HIVEP2: variants seen among roughly 807,000 people sequenced by gnomAD.
The protein encoded by HIVEP2 is transcription factor HIVEP2.
Under a neutral mutation model 180.7 loss-of-function variants are expected in HIVEP2, and 14 were observed. The observed-to-expected ratio is 0.08, with a 90% CI of 0.05 to 0.12. The LOEUF (loss-of-function observed/expected upper bound fraction) is 0.12. Ranked by LOEUF, HIVEP2 falls within the 10% of genes least tolerant of loss-of-function variation. The probability of loss-of-function intolerance (pLI) is 1.00; values close to 1 mark genes in which losing one functional copy is unlikely to be tolerated. For synonymous variants in HIVEP2, 1,184 were observed against 1,136.4 expected (o/e 1.04, Z -0.84); for missense variants, 2,579 against 3,008.5 (o/e 0.86, Z 3.34).
chr6:142,883,541 C>T (rs550000854), intron 1 of HIVEP2, among the ~76,000 whole-genome samples: 1 of 152,126 alleles, frequency 6.6e-6, no homozygotes, highest in South Asian at 2.1e-4. Context: ...CACTCCTACA[C>T]ATAAAAGTGC....
intron 2 of HIVEP2, among the ~76,000 whole-genome samples, chr6:142,819,231 T>TA (rs1196649127): frequency 1.3e-5 from 2 of 151,414 alleles, no homozygotes; most frequent in Non-Finnish European, 2.9e-5. Context: ...TCTCAAATTT[T>TA]AAAAAAAGAA....
At chr6:142,911,649 C>A (rs571018786) in intron 1 of HIVEP2, among the ~76,000 whole-genome samples, 1 of 152,174 alleles carries the variant, frequency 6.6e-6, no homozygotes, top group African/African-American at 2.4e-5. Context: ...CTTTGCTCAG[C>A]CTGACACTGC....
At chr6:142,836,207 AT>A (rs1236775419) in intron 2 of HIVEP2, among the ~76,000 whole-genome samples, 1 of 152,020 alleles carries the variant, frequency 6.6e-6, no homozygotes, top group Non-Finnish European at 1.5e-5. Context: ...GTTTGCTTGG[AT>A]TTTTTAAAAA....
At chr6:142,873,306 GA>G (rs1776344072) in intron 1 of HIVEP2, among the ~76,000 whole-genome samples, 1 of 152,128 alleles carries the variant, frequency 6.6e-6, no homozygotes, top group South Asian at 2.1e-4. Flanking sequence ...TAAAGAAGCA[GA>G]CTTTTTTCTT....
intron 2 of HIVEP2, among the ~76,000 whole-genome samples, chr6:142,811,076 GAACA>G: frequency 6.6e-6 from 1 of 152,226 alleles, no homozygotes; most frequent in African/African-American, 2.4e-5. Flanking sequence ...AGTCTCCGAA[GAACA>G]AAAATGAGTG....
chr6:142,827,490 G>T (rs1211346178), intron 2 of HIVEP2, among the ~76,000 whole-genome samples: 2 of 152,186 alleles, frequency 1.3e-5, no homozygotes, highest in Non-Finnish European at 2.9e-5. Flanking sequence ...TATCCTTGAG[G>T]ACAGGAAAAG....
intron 7 of HIVEP2, among the ~76,000 whole-genome samples, chr6:142,762,452 G>GCACACACACA (rs35168499): frequency 1.4e-3 from 207 of 144,122 alleles, no homozygotes; most frequent in Non-Finnish European, 1.8e-3. Flanking sequence ...ACAGAAGAAT[G>GCACACACACA]CACACACACA....
chr6:142,883,187 C>A (rs1776615079), intron 1 of HIVEP2, among the ~76,000 whole-genome samples: 2 of 151,856 alleles, frequency 1.3e-5, no homozygotes, highest in South Asian at 4.1e-4. Context: ...AAGCTCTGCA[C>A]ATGGAGAGAG....
chr6:142,850,849 A>C (rs1775650490), intron 1 of HIVEP2, among the ~76,000 whole-genome samples: 1 of 152,216 alleles, frequency 6.6e-6, no homozygotes, highest in African/African-American at 2.4e-5. Context: ...GTCATACCTC[A>C]CCGTGGTTCT....
chr6:142,774,260 G>C lies in HIVEP2; in HGVS notation c.479C>G (p.Pro160Arg), dbSNP rs746050824. ...TTTCTGGGAGTATTGGCTATAAGCA[G>C]GGTTCAGACTTGAAATCTTTTTTCT... is the stretch of plus-strand genomic sequence containing the variant. ...YPRKKISSLNPAYSQYSQKSI... is the reference protein window; with the variant it reads ...YPRKKISSLNRAYSQYSQKSI... The change falls in exon 5 of 10, where the codon CCT becomes CGT. Residue 160 changes from proline (P) to arginine (R), a missense_variant. Pro to Arg is a moderately radical substitution (Grantham distance 103). This residue lies in a region of HIVEP2 where 207 missense variants were observed against 210.1 expected (regional missense o/e 0.99). Transcript: ENST00000367603. The surrounding 1 kb of genome is among the most constrained non-coding windows in gnomAD (Gnocchi z 5.1). 1 of 1,614,134 alleles carries C rather than the reference G, an allele frequency of 6.2e-7. No individual in the cohort carries two copies. Among genetic ancestry groups the C allele is most frequent in the Non-Finnish European group, 8.5e-7 (1 of 1,180,040 alleles).
chr6:142,925,084 G>T (rs1017227548), intron 1 of HIVEP2, among the ~76,000 whole-genome samples: 2 of 152,158 alleles, frequency 1.3e-5, no homozygotes, highest in African/African-American at 4.8e-5. Context: ...GAATGCAGGA[G>T]ACCCAATATG....
At chr6:142,796,167 C>T (rs1312819616) in intron 2 of HIVEP2, among the ~76,000 whole-genome samples, 1 of 152,140 alleles carries the variant, frequency 6.6e-6, no homozygotes, top group Non-Finnish European at 1.5e-5. Flanking sequence ...TAGGCCCTAA[C>T]TAAAACTTCC....
intron 1 of HIVEP2, among the ~76,000 whole-genome samples, chr6:142,899,773 T>A (rs968513276): frequency 6.6e-6 from 1 of 152,134 alleles, no homozygotes; most frequent in African/African-American, 2.4e-5. Context: ...TCATCAATAA[T>A]CTTCTCCTAC....
chr6:142,881,643 G>A (rs1287534356), intron 1 of HIVEP2, among the ~76,000 whole-genome samples: 1 of 152,178 alleles, frequency 6.6e-6, no homozygotes, highest in Non-Finnish European at 1.5e-5. Flanking sequence ...TATCAGGATA[G>A]TTAGACCTCA....
intron 1 of HIVEP2, among the ~76,000 whole-genome samples, chr6:142,859,028 C>G (rs1775901720): frequency 6.6e-6 from 1 of 152,202 alleles, no homozygotes; most frequent in Non-Finnish European, 1.5e-5. Flanking sequence ...TGGCACATAA[C>G]AAGTGCTCAA....
In HIVEP2 at chr6:142,752,085, C is replaced by T. The variant is rs1335660941; in HGVS notation, c.*1022G>A. The T allele has an allele frequency of 6.5e-6, 1 of 152,702 alleles. No homozygotes were observed. The highest frequency in any genetic ancestry group is 2.4e-5 in the African/African-American group (1 of 41,466). 9.5% of individuals were successfully genotyped at this position (152,702 alleles called of 1,614,324 possible). On this transcript the variant is annotated 3_prime_UTR_variant, in exon 10 of 10. Transcript: ENST00000367603. ...GGCCGGCCGATAACCAAGCTCTACACAGTCCCATGTGCTTTGTCACCTTAA... is the reference window on the plus strand; with the variant it reads ...GGCCGGCCGATAACCAAGCTCTACATAGTCCCATGTGCTTTGTCACCTTAA...
chr6:142,788,203 T>C (rs2114712292), intron 2 of HIVEP2: 1 of 152,332 alleles, frequency 6.6e-6, no homozygotes, highest in South Asian at 2.1e-4. Flanking sequence ...TTATACCTAA[T>C]GTTAAATGAC....
intron 1 of HIVEP2, among the ~76,000 whole-genome samples, chr6:142,901,787 A>C (rs961804403): frequency 6.6e-6 from 1 of 152,192 alleles, no homozygotes; most frequent in Non-Finnish European, 1.5e-5. Context: ...CAGTGCATGC[A>C]TTACAACTTG....
At chr6:142,934,515 C>T (rs748676293) in intron 1 of HIVEP2, among the ~76,000 whole-genome samples, 1 of 152,186 alleles carries the variant, frequency 6.6e-6, no homozygotes, top group Non-Finnish European at 1.5e-5. Flanking sequence ...GGCTACATCT[C>T]TATATCTCTC....
Sources: gnomAD v4.1 joint callset for allele counts (sites outside exome capture counted in the v4.1 genomes callset) on GRCh38, gnomAD v4.1.1 for gene constraint, gnomAD v4.1.1 regional missense constraint, Gnocchi (gnomAD v3.1) non-coding constraint, MANE v1.5 for transcripts, NCBI Gene and HGNC (gene_info 2026-07-23, HGNC 2026-07-21) for gene names.